Variants in TICRR observed in about 807,000 individuals in gnomAD.
TICRR encodes the protein treslin.
In TICRR, 132 loss-of-function variants were observed where a neutral mutation model predicts 178.1. That is an observed-to-expected ratio of 0.74 (90% confidence interval 0.64 to 0.86). The LOEUF is 0.86. Ranked by LOEUF, TICRR falls within the 40% of genes least tolerant of loss-of-function variation. TICRR has a pLI of 0.00. For synonymous variants in TICRR, 991 were observed against 900.7 expected (o/e 1.10, Z -1.79); for missense variants, 2,587 against 2,334.3 (o/e 1.11, Z -2.23).
intron 3 of TICRR, 75 bp from the exon 4 acceptor site, chr15:89,585,633 G>A: frequency 9.9e-7 from 1 of 1,006,128 alleles, no homozygotes; most frequent in East Asian, 2.5e-5. Flanking sequence ...TGGTTATTCT[G>A]TCTTTTAGTA....
intron 1 of TICRR, among the ~76,000 whole-genome samples, chr15:89,580,435 A>G (rs1962703766): frequency 6.6e-6 from 1 of 152,226 alleles, no homozygotes; most frequent in African/African-American, 2.4e-5. Flanking sequence ...CATTTGGCAG[A>G]AAATCCTAAT....
At chr15:89,610,264 G>T (rs776355319) in intron 15 of TICRR, among the ~76,000 whole-genome samples, 6 of 152,076 alleles carry the variant, frequency 3.9e-5, no homozygotes, top group Non-Finnish European at 8.8e-5. Context: ...TTTCCTTGTT[G>T]AGCTTCTGTT....
At chr15:89,594,319 T>TA in intron 5 of TICRR, 96 bp from the exon 6 acceptor site, 4 of 1,121,698 alleles carry the variant, frequency 3.6e-6, no homozygotes, top group Non-Finnish European at 5.0e-6. Context: ...TCTTTTTGGT[T>TA]AGCTTTTTAG....
intron 13 of TICRR, among the ~76,000 whole-genome samples, chr15:89,605,848 CTT>C (rs554429003): frequency 1.3e-5 from 2 of 151,840 alleles, no homozygotes; most frequent in African/African-American, 4.8e-5. Flanking sequence ...AACAAAAAAT[CTT>C]TAAAAAAACA....
At position 89,621,384 on chromosome 15, in the gene TICRR, G is replaced by A. The variant is rs1171250758; in HGVS notation, c.3155-9G>A. The stretch of plus-strand genomic sequence containing the variant: ...AGAATTAAATATTGTTGCTGTTTTT[G>A]ACTTGCAGACCAAAGAGAAAATTCT... On this transcript the variant is annotated splice_polypyrimidine_tract_variant and intron_variant, in intron 18 of 21. Coordinates refer to ENST00000268138, the MANE Select transcript of TICRR (RefSeq NM_152259.4). 1 of 1,588,556 alleles carries A rather than the reference G, an allele frequency of 6.3e-7. No individual in the cohort carries two copies. The highest frequency in any genetic ancestry group is 2.2e-5 in the East Asian group (1 of 44,694).
In TICRR at chr15:89,583,323, C is replaced by T. The variant is rs181371593; in HGVS notation, c.934+358C>T. Among the ~76,000 whole-genome samples the T allele has an allele frequency of 5.3e-3, 814 of 152,190 alleles. 7 individuals carry two copies. Among genetic ancestry groups the T allele is most frequent in the African/African-American group, 0.018 (749 of 41,524 alleles). On this transcript the variant is annotated intron_variant, in intron 2 of 21. Transcript: ENST00000268138. ...TTGAAGACCATAGAGAAACAATGGT[C>T]GACTAAAAGAAGAAATAAATTAGTC...
In TICRR at chr15:89,624,664, T is replaced by A; in HGVS notation, c.4354T>A (p.Ser1452Thr). Residue 1452 changes from serine (S) to threonine (T), a missense_variant, in exon 20 of 22, where the codon TCC becomes ACC. Transcript: ENST00000268138. ...TGGTCTCAGGAGTGATTGGCATGCA[T>A]CCTCTCCTCTGCTCATTACAAGTGA... Reference protein sequence around the residue: ...GPGLRSDWHASSPLLITSDTE... With the variant: ...GPGLRSDWHATSPLLITSDTE... The A allele has an allele frequency of 6.2e-7, 1 of 1,614,070 alleles. No individual in the cohort carries two copies. The highest frequency in any genetic ancestry group is 8.5e-7 in the Non-Finnish European group (1 of 1,180,038).
In TICRR at chr15:89,580,401, C is replaced by A. The variant is rs142588208; in HGVS notation, c.655-2285C>A. 7.1e-3 allele frequency among the ~76,000 whole-genome samples: 1,078 copies of A among 152,272 alleles called. 12 individuals are homozygous for A. Among genetic ancestry groups the A allele is most frequent in the African/African-American group, 0.025 (1,024 of 41,564 alleles). On this transcript the variant is annotated intron_variant, in intron 1 of 21. Coordinates refer to ENST00000268138, the MANE Select transcript of TICRR (RefSeq NM_152259.4). The stretch of plus-strand genomic sequence containing the variant: ...TTCCTGGCTGGTCTTCTGGCTGAAA[C>A]AATTTCAACAAAATTTTTGTGTCCA...
chr15:89,577,210 C>T (rs916254622), intron 1 of TICRR, among the ~76,000 whole-genome samples: 28 of 152,172 alleles, frequency 1.8e-4, no homozygotes, highest in Admixed American at 3.9e-4. Context: ...GTGTATTAAA[C>T]GTTGTAGGTG....
rs541000523 is a variant in TICRR at position 89,590,810 on chromosome 15, T to C, written c.1412-1237T>C. Among the ~76,000 whole-genome samples the C allele has an allele frequency of 5.2e-5, 8 of 152,384 alleles. No homozygotes were observed. In the South Asian group the frequency reaches 1.7e-3, roughly 32 times the overall value. On this transcript the variant is annotated intron_variant, in intron 4 of 21. Transcript: ENST00000268138. The stretch of plus-strand genomic sequence containing the variant: ...TGAATTCTTTCACTGATAGAAAGCC[T>C]AGAACTTGGTTGTCTCAATAAGTTT...
In TICRR at chr15:89,624,194, C is replaced by T; in HGVS notation, c.3884C>T (p.Pro1295Leu). ...KDKAIKTPKR[P>L]GNSTVTSSPP... Reference sequence around the variant, plus strand: ...AAAGCTATCAAAACTCCAAAAAGACCAGGGAATTCAACTGTGACTTCTTCC... The same window carrying T: ...AAAGCTATCAAAACTCCAAAAAGACTAGGGAATTCAACTGTGACTTCTTCC... Residue 1295 changes from proline (P) to leucine (L), a missense_variant, in exon 20 of 22, where the codon CCA (proline) becomes CTA (leucine). Transcript: ENST00000268138. 6.2e-7 allele frequency: 1 copy of T among 1,614,128 alleles called. No homozygotes were observed. Among genetic ancestry groups the T allele is most frequent in the Non-Finnish European group, 8.5e-7 (1 of 1,180,032 alleles).
At chr15:89,595,298 T>C (rs925167484) in intron 6 of TICRR, 95 bp from the exon 7 acceptor site, 6 of 864,224 alleles carry the variant, frequency 6.9e-6, no homozygotes, top group South Asian at 1.6e-5. Context: ...TGCTTCATTT[T>C]GATATTCTTT....
rs775186251 is a variant in TICRR at position 89,625,451 on chromosome 15, C to T, written c.5141C>T (p.Ser1714Leu). 8 of 1,613,876 alleles carry T rather than the reference C, an allele frequency of 5.0e-6. No homozygotes were observed. In the South Asian group the frequency reaches 8.8e-5, roughly 18 times the overall value. Residue 1714 changes from serine to leucine, a missense_variant, in exon 20 of 22, where the codon TCA becomes TTA. Transcript: ENST00000268138. ...EVGADLPGSL[S>L]LLESEGKDHG... Reference sequence around the variant, plus strand: ...GGTGCAGACCTTCCTGGGAGCCTGTCACTGCTTGAGTCAGAGGGCAAGGAC... The same window carrying T: ...GGTGCAGACCTTCCTGGGAGCCTGTTACTGCTTGAGTCAGAGGGCAAGGAC...
At chr15:89,609,025 T>G (rs1963215455) in intron 15 of TICRR, 76 bp downstream of exon 15, 1 of 1,395,368 alleles carries the variant, frequency 7.2e-7, no homozygotes, top group Non-Finnish European at 9.5e-7. Flanking sequence ...CGTCTTTCTT[T>G]CCTGATTTAG....
At chr15:89,586,435 G>A (rs931668334) in intron 4 of TICRR, among the ~76,000 whole-genome samples, 2 of 152,048 alleles carry the variant, frequency 1.3e-5, no homozygotes, top group African/African-American at 4.8e-5. Context: ...CCTGCTGTAT[G>A]GCAGGCACTG....
intron 19 of TICRR, among the ~76,000 whole-genome samples, chr15:89,621,918 C>G (rs946656675): frequency 1.3e-5 from 2 of 150,788 alleles, no homozygotes; most frequent in African/African-American, 4.9e-5. Context: ...GGGAGTCATC[C>G]TTTTCCCTCT....
intron 1 of TICRR, among the ~76,000 whole-genome samples, chr15:89,578,849 C>T (rs1962671325): frequency 6.6e-6 from 1 of 152,070 alleles, no homozygotes; most frequent in Non-Finnish European, 1.5e-5. Context: ...TGCTGAAGAT[C>T]TATCATTTTC....
chr15:89,576,844 T>TACAC, intron 1 of TICRR, among the ~76,000 whole-genome samples: 1 of 139,628 alleles, frequency 7.2e-6, no homozygotes, highest in African/African-American at 2.7e-5. Flanking sequence ...TATATATATA[T>TACAC]ATATATATAT....
chr15:89,591,878 C>G (rs1962918650), intron 4 of TICRR, 169 bp from the exon 5 acceptor site: 2 of 461,620 alleles, frequency 4.3e-6, no homozygotes, highest in African/African-American at 3.8e-5. Context: ...TTTTTATTTA[C>G]CACATAGGCC....
Sources: gnomAD v4.1 joint callset for allele counts (sites outside exome capture counted in the v4.1 genomes callset) on GRCh38, gnomAD v4.1.1 for gene constraint, MANE v1.5 for transcripts, NCBI Gene and HGNC (gene_info 2026-07-23, HGNC 2026-07-21) for gene names.